Variants in SPAG17 observed in about 807,000 individuals in gnomAD.
The protein encoded by SPAG17 is sperm-associated antigen 17.
A neutral mutation model predicts 273.6 loss-of-function variants in SPAG17; 169 were observed. That is an observed-to-expected ratio of 0.62 (90% CI 0.55 to 0.70). The LOEUF (loss-of-function observed/expected upper bound fraction) is 0.70, where lower values mean the gene tolerates loss of function less well. Ranked by LOEUF, SPAG17 falls within the 30% of genes least tolerant of loss-of-function variation. SPAG17 has a pLI of 0.00. For synonymous variants in SPAG17, 825 were observed against 873.2 expected (o/e 0.94, Z 0.97); for missense variants, 2,557 against 2,627.8 (o/e 0.97, Z 0.59).
chr1:118,010,991 TA>T (rs1659407928), intron 30 of SPAG17, among the ~76,000 whole-genome samples: 1 of 152,004 alleles, frequency 6.6e-6, no homozygotes, highest in Non-Finnish European at 1.5e-5. Context: ...CACTGAACAT[TA>T]GAGAAATGCA....
chr1:118,180,372 T>C (rs142626231), intron 1 of SPAG17, among the ~76,000 whole-genome samples: 74 of 152,168 alleles, frequency 4.9e-4, no homozygotes, highest in East Asian at 2.1e-3. Flanking sequence ...TTCTCACTCT[T>C]ATGTAGGAAA....
At chr1:118,118,423 A>C (rs1187633516) in intron 3 of SPAG17, among the ~76,000 whole-genome samples, 1 of 152,234 alleles carries the variant, frequency 6.6e-6, no homozygotes, top group African/African-American at 2.4e-5. Context: ...GGGAGTAATT[A>C]GGCAAAAATT....
At chr1:118,025,042 G>A (rs1242028270) in intron 27 of SPAG17, among the ~76,000 whole-genome samples, 196 bp downstream of exon 27, 1 of 152,164 alleles carries the variant, frequency 6.6e-6, no homozygotes, top group Non-Finnish European at 1.5e-5. Context: ...GCAGAGAAAT[G>A]ACAAGTTTAT....
At chr1:118,161,935 G>T (rs530399202) in intron 1 of SPAG17, among the ~76,000 whole-genome samples, 2 of 152,298 alleles carry the variant, frequency 1.3e-5, no homozygotes, top group Admixed American at 1.3e-4. Flanking sequence ...TGTAGTCAAA[G>T]GCAATTAGAA....
chr1:117,996,273 C>A, intron 34 of SPAG17, 97 bp downstream of exon 34: 3 of 1,399,182 alleles, frequency 2.1e-6, no homozygotes, highest in Non-Finnish European at 2.9e-6. Context: ...GTGAGCAAAG[C>A]GGAAAAAGTA....
chr1:118,163,910 A>G (rs1216745269), intron 1 of SPAG17, among the ~76,000 whole-genome samples: 2 of 152,158 alleles, frequency 1.3e-5, no homozygotes, highest in Non-Finnish European at 2.9e-5. Context: ...CCTCATTACC[A>G]GATATGGTTG....
intron 20 of SPAG17, among the ~76,000 whole-genome samples, chr1:118,049,492 T>C (rs952239085): frequency 6.6e-6 from 1 of 152,112 alleles, no homozygotes; most frequent in African/African-American, 2.4e-5. Context: ...TCACAATAGA[T>C]GTGGAAAAAA....
In SPAG17 at chr1:118,039,389, A is replaced by G. The variant is rs1406944008; in HGVS notation, c.3222T>C (p.His1074=). The change falls in exon 23 of 49, where the codon CAT becomes CAC. Residue 1074 remains histidine, a synonymous_variant. Transcript: ENST00000336338. ...VVKDNHNFMI[H]LNDPKEIVKK... ...TCACAATTTCCTTAGGGTCATTTAA[A>G]TGAATCATAAAATTGTGGTTGTCCT... is the stretch of plus-strand genomic sequence containing the variant. 3 of 1,613,522 alleles carry G rather than the reference A, an allele frequency of 1.9e-6. No individual in the cohort carries two copies. Among genetic ancestry groups the G allele is most frequent in the East Asian group, 2.2e-5 (1 of 44,862 alleles).
At chr1:118,149,040 T>C (rs1659228716) in intron 3 of SPAG17, among the ~76,000 whole-genome samples, 1 of 152,192 alleles carries the variant, frequency 6.6e-6, no homozygotes, top group South Asian at 2.1e-4. Context: ...TTAATGAATG[T>C]CTGGTGCACC....
rs745547836 is a variant in SPAG17 at position 117,992,578 on chromosome 1, A to G, written c.5249T>C (p.Val1750Ala). 1.9e-6 allele frequency: 3 copies of G among 1,613,754 alleles called. No individual in the cohort carries two copies. The highest frequency in any genetic ancestry group is 3.3e-5 in the Admixed American group (2 of 59,926). The change falls in exon 36 of 49, where the codon GTG becomes GCG. Residue 1750 changes from valine (V) to alanine (A), a missense_variant. By Grantham distance (64) the Val-to-Ala change is moderately conservative. Coordinates refer to ENST00000336338, the MANE Select transcript of SPAG17 (RefSeq NM_206996.4). ...KGLCIESKQL[V>A]SAPGAILKSP... is the part of the protein sequence containing the mutation. ...CTTGAGTATGGCACCCGGGGCACTCACTAGCTGTTTGGACTCAATGCAAAG... is the reference window on the plus strand; with the variant it reads ...CTTGAGTATGGCACCCGGGGCACTCGCTAGCTGTTTGGACTCAATGCAAAG...
At chr1:117,978,337 C>T in intron 43 of SPAG17, among the ~76,000 whole-genome samples, 1 of 152,206 alleles carries the variant, frequency 6.6e-6, no homozygotes. Context: ...TCTCTCCTGT[C>T]ACTATGGAGA....
chr1:118,085,553 C>T (rs926018491), intron 13 of SPAG17, among the ~76,000 whole-genome samples: 1 of 152,226 alleles, frequency 6.6e-6, no homozygotes, highest in African/African-American at 2.4e-5. Flanking sequence ...CACACACACA[C>T]ACACACAGCC....
chr1:118,083,789 A>G (rs564547185), intron 13 of SPAG17, among the ~76,000 whole-genome samples: 1 of 152,226 alleles, frequency 6.6e-6, no homozygotes, highest in African/African-American at 2.4e-5. Flanking sequence ...GTCTCAAAAA[A>G]ACAAAAACAA....
chr1:118,001,662 T>C (rs1369045190), intron 32 of SPAG17, among the ~76,000 whole-genome samples: 1 of 152,186 alleles, frequency 6.6e-6, no homozygotes, highest in Non-Finnish European at 1.5e-5. Flanking sequence ...GTATCCGTGG[T>C]CATATCTCTT....
At chr1:118,028,863 A>T (rs1246812540) in intron 25 of SPAG17, among the ~76,000 whole-genome samples, 1 of 152,212 alleles carries the variant, frequency 6.6e-6, no homozygotes, top group Non-Finnish European at 1.5e-5. Flanking sequence ...CTCCACCCTT[A>T]TGAATGGGAT....
Position 118,101,958 on chromosome 1 carries a change from C to G in SPAG17, c.448-32G>C, listed in dbSNP as rs919387493. On this transcript the variant is annotated intron_variant, in intron 4 of 48. Coordinates refer to ENST00000336338, the MANE Select transcript of SPAG17 (RefSeq NM_206996.4). Reference sequence around the variant, plus strand: ...TGAGAGAACACTTTTTTCTCCAAATCAAACAGTGAGCAAGCAATGGCTTTT... The same window carrying G: ...TGAGAGAACACTTTTTTCTCCAAATGAAACAGTGAGCAAGCAATGGCTTTT... 3 of 1,577,550 alleles carry G rather than the reference C, an allele frequency of 1.9e-6. No individual in the cohort carries two copies. The African/African-American group carries it at 4.1e-5, about 22-fold the overall frequency.
At chr1:118,121,519 T>C (rs368415870) in intron 3 of SPAG17, among the ~76,000 whole-genome samples, 2 of 140,832 alleles carry the variant, frequency 1.4e-5, no homozygotes, top group Admixed American at 6.9e-5. Context: ...AGTGGTGATA[T>C]TAGATTCTCA....
rs562925307 is a variant in SPAG17, at chr1:118,170,805, C to T, written c.87+14266G>A. 6.5e-4 allele frequency among the ~76,000 whole-genome samples: 99 copies of T among 152,254 alleles called. 1 individual carries two copies. The highest frequency in any genetic ancestry group is 3.4e-3 in the Middle Eastern group (1 of 294). ...TCATTGCCTCCTTTATGTGCCTATA[C>T]AGCAGTGAGGGAACTATCTTGCCTG... On this transcript the variant is annotated intron_variant, in intron 1 of 48. Coordinates refer to ENST00000336338, the MANE Select transcript of SPAG17 (RefSeq NM_206996.4).
intron 20 of SPAG17, among the ~76,000 whole-genome samples, chr1:118,047,159 T>C (rs762871286): frequency 6.6e-6 from 1 of 152,202 alleles, no homozygotes; most frequent in Non-Finnish European, 1.5e-5. Flanking sequence ...AGTGATTTTT[T>C]TCAATGCTGA....
Sources: allele counts gnomAD v4.1 joint callset (sites outside exome capture counted in the v4.1 genomes callset), GRCh38; gene constraint gnomAD v4.1.1; transcripts MANE v1.5; gene names NCBI Gene and HGNC (gene_info 2026-07-23, HGNC 2026-07-21).